The following RPS6KA2 variants were observed in gnomAD, a reference collection of about 807,000 sequenced individuals.
RPS6KA2 encodes the protein ribosomal protein S6 kinase A2.
Under a neutral mutation model 91.8 loss-of-function variants are expected in RPS6KA2, and 42 were observed. The observed-to-expected ratio is 0.46, with a 90% CI of 0.36 to 0.59. The LOEUF (loss-of-function observed/expected upper bound fraction) is 0.59, where lower values mean the gene tolerates loss of function less well. Ranked by LOEUF, RPS6KA2 falls within the 20% of genes least tolerant of loss-of-function variation. The probability of loss-of-function intolerance (pLI) is 0.00; values close to 1 mark genes in which losing one functional copy is unlikely to be tolerated. For missense variants in RPS6KA2, 798 were observed against 978.5 expected (o/e 0.82, Z 2.46); for synonymous variants, 414 against 393.6 (o/e 1.05, Z -0.61).
chr6:166,672,161 CG>C (rs1054509148), intron 2 of RPS6KA2, among the ~76,000 whole-genome samples: 4 of 152,186 alleles, frequency 2.6e-5, no homozygotes, highest in African/African-American at 9.6e-5. Context: ...AAAATGTTAT[CG>C]GGAGGTTAAA....
At chr6:166,524,369 T>C (rs1782954663) in intron 3 of RPS6KA2, among the ~76,000 whole-genome samples, 1 of 151,826 alleles carries the variant, frequency 6.6e-6, no homozygotes, top group South Asian at 2.1e-4. Context: ...CATTCGACAC[T>C]GCGGAGAGCG....
At chr6:166,721,646 G>A (rs1332112694) in intron 2 of RPS6KA2, among the ~76,000 whole-genome samples, 1 of 152,182 alleles carries the variant, frequency 6.6e-6, no homozygotes, top group African/African-American at 2.4e-5. Flanking sequence ...TCTGCGTCTG[G>A]GCCCCTCCTT....
intron 2 of RPS6KA2, among the ~76,000 whole-genome samples, chr6:166,796,317 G>A (rs1261753927): frequency 6.6e-6 from 1 of 152,184 alleles, no homozygotes; most frequent in Non-Finnish European, 1.5e-5. Flanking sequence ...TCGGCTGGGT[G>A]CGATGGCTCA....
intron 1 of RPS6KA2, among the ~76,000 whole-genome samples, chr6:166,592,181 C>G (rs919220913): frequency 1.3e-5 from 2 of 152,192 alleles, no homozygotes; most frequent in African/African-American, 4.8e-5. Context: ...ACTAGAGAGT[C>G]ACATATTATA....
Position 166,419,979 on chromosome 6 carries a change from A to T in RPS6KA2, c.1744-21T>A. On this transcript the variant is annotated intron_variant, in intron 17 of 20. Transcript: ENST00000265678. This position sits in a 1 kb window ranked among gnomAD's most constrained non-coding sequence, Gnocchi z 5.6. ...AGGACCTAGGAGGGAACGACAGGAC[A>T]CCGGCACGCCCTTCACTAAGGACAT... 1 of 1,609,190 alleles carries T rather than the reference A, an allele frequency of 6.2e-7. No individual in the cohort carries two copies. The highest frequency in any genetic ancestry group is 8.5e-7 in the Non-Finnish European group (1 of 1,175,902).
chr6:166,712,854 C>T (rs780055821), intron 2 of RPS6KA2, among the ~76,000 whole-genome samples: 13 of 152,218 alleles, frequency 8.5e-5, no homozygotes, highest in Admixed American at 2.6e-4. Flanking sequence ...GCGTCTATCC[C>T]GAGCTTTCTC....
intron 16 of RPS6KA2, 121 bp downstream of exon 16, chr6:166,430,332 G>T: frequency 1.1e-6 from 1 of 886,424 alleles, no homozygotes; most frequent in Non-Finnish European, 1.7e-6. Context: ...GACGATGGTG[G>T]CACGGAAGGA....
chr6:166,637,911 C>T (rs192755141), intron 2 of RPS6KA2, among the ~76,000 whole-genome samples: 1,982 of 152,328 alleles, frequency 0.013, 28 homozygotes, highest in Non-Finnish European at 0.021. Context: ...GGCCTGAGGG[C>T]GGGGCTGAGG....
intron 2 of RPS6KA2, among the ~76,000 whole-genome samples, chr6:166,676,093 G>A (rs1788612245): frequency 6.6e-6 from 1 of 152,180 alleles, no homozygotes; most frequent in East Asian, 1.9e-4. Context: ...AGGGGGGATG[G>A]ATCACTTGAG....
chr6:166,695,551 G>A (rs965737574), intron 2 of RPS6KA2, among the ~76,000 whole-genome samples: 3 of 152,224 alleles, frequency 2.0e-5, no homozygotes, highest in Admixed American at 6.5e-5. Flanking sequence ...CCTCAGACTG[G>A]TACAGGTCCA....
At chr6:166,614,212 T>C (rs577189622) in intron 1 of RPS6KA2, among the ~76,000 whole-genome samples, 2 of 152,364 alleles carry the variant, frequency 1.3e-5, no homozygotes, top group East Asian at 1.9e-4. Context: ...TTGAGATCAG[T>C]ACATTTTTCT....
Position 166,418,315 on chromosome 6 carries a change from G to A in RPS6KA2, c.1848C>T (p.Asp616=), listed in dbSNP as rs370915018. 23 of 1,613,130 alleles carry A rather than the reference G, an allele frequency of 1.4e-5. No individual in the cohort carries two copies. The African/African-American group carries it at 1.5e-4, about 10-fold the overall frequency. ...AGFTPFANGP[D]DTPEEILARI... is the part of the protein sequence containing the mutation. ...GCGCCAGAATCTCCTCAGGGGTATCGTCTGGCCCATTTGCAAAAGGGGTAA... is the reference window on the plus strand; with the variant it reads ...GCGCCAGAATCTCCTCAGGGGTATCATCTGGCCCATTTGCAAAAGGGGTAA... The change falls in exon 19 of 21, where the codon GAC becomes GAT. Residue 616 remains aspartate (D), a synonymous_variant. Coordinates refer to ENST00000265678, the MANE Select transcript of RPS6KA2 (RefSeq NM_021135.6). The surrounding 1 kb of genome is among the most constrained non-coding windows in gnomAD (Gnocchi z 4.9).
At chr6:166,771,520 C>T (rs1778472237) in intron 2 of RPS6KA2, among the ~76,000 whole-genome samples, 1 of 152,204 alleles carries the variant, frequency 6.6e-6, no homozygotes, top group African/African-American at 2.4e-5. Context: ...GGTTTTAGGA[C>T]TGCTGAGAGC....
chr6:166,420,627 C>G (rs1778690164), intron 17 of RPS6KA2, among the ~76,000 whole-genome samples: 1 of 152,136 alleles, frequency 6.6e-6, no homozygotes, highest in South Asian at 2.1e-4. Flanking sequence ...TTTTGCTTAC[C>G]CATTCATCCA....
chr6:166,666,562 G>C lies in RPS6KA2; in HGVS notation c.124-127778C>G, dbSNP rs908041475. 3.3e-5 allele frequency among the ~76,000 whole-genome samples: 5 copies of C among 152,122 alleles called. No homozygotes were observed. The highest frequency in any genetic ancestry group is 1.2e-4 in the African/African-American group (5 of 41,408). On this transcript the variant is annotated intron_variant, in intron 2 of 21. Coordinates refer to the RPS6KA2 transcript ENST00000503859. This position sits in a 1 kb window ranked among gnomAD's most constrained non-coding sequence, Gnocchi z 4.0. ...CAACACCACAAGCAAATCAACACCC[G>C]ATAAGATACCCCCTCTCACCTGTTG...
chr6:166,417,748 T>C (rs956294808), intron 19 of RPS6KA2, among the ~76,000 whole-genome samples: 5 of 152,116 alleles, frequency 3.3e-5, no homozygotes, highest in Admixed American at 2.0e-4. Flanking sequence ...GAAAATAATG[T>C]TTTTAGATGA....
intron 20 of RPS6KA2, among the ~76,000 whole-genome samples, chr6:166,413,228 T>G (rs1291242839): frequency 1.3e-5 from 2 of 152,162 alleles, no homozygotes; most frequent in Non-Finnish European, 2.9e-5. Flanking sequence ...AGGTCTGTTT[T>G]GGGGCTCGCT....
chr6:166,623,242 G>T (rs563577177), intron 1 of RPS6KA2, among the ~76,000 whole-genome samples: 2 of 152,244 alleles, frequency 1.3e-5, no homozygotes, highest in African/African-American at 4.8e-5. Flanking sequence ...CAAGTTGGTG[G>T]AAGTCTTGAG....
intron 2 of RPS6KA2, among the ~76,000 whole-genome samples, chr6:166,642,909 TGAG>T (rs1562359933): frequency 6.6e-6 from 1 of 152,190 alleles, no homozygotes; most frequent in African/African-American, 2.4e-5. Flanking sequence ...CCTTGGGAAA[TGAG>T]GTAACATTTT....
Sources: allele counts gnomAD v4.1 joint callset (sites outside exome capture counted in the v4.1 genomes callset), GRCh38; gene constraint gnomAD v4.1.1; non-coding constraint Gnocchi (gnomAD v3.1); transcripts MANE v1.5; gene names NCBI Gene and HGNC (gene_info 2026-07-23, HGNC 2026-07-21).